The following USP24 variants were observed in gnomAD, a reference collection of about 807,000 sequenced individuals.
USP24 encodes the protein ubiquitin specific peptidase 24, also known as ubiquitin carboxyl-terminal hydrolase 24.
Under a neutral mutation model 361.6 loss-of-function variants are expected in USP24, and 97 were observed. That is an observed-to-expected ratio of 0.27 (90% CI 0.23 to 0.32). The LOEUF (loss-of-function observed/expected upper bound fraction) is 0.32, where lower values mean the gene tolerates loss of function less well. Ranked by LOEUF, USP24 falls within the 10% of genes least tolerant of loss-of-function variation. The pLI is 1.00. For missense variants in USP24, 2,353 were observed against 3,165.6 expected (o/e 0.74, Z 6.16); for synonymous variants, 1,098 against 1,124.6 (o/e 0.98, Z 0.47).
At position 55,101,599 on chromosome 1, in the gene USP24, T is replaced by A; in HGVS notation, c.5130A>T (p.Gln1710His). The A allele has an allele frequency of 6.2e-7, 1 of 1,611,834 alleles. No homozygotes were observed. Among genetic ancestry groups the A allele is most frequent in the Non-Finnish European group, 8.5e-7 (1 of 1,178,956 alleles). The change falls in exon 43 of 68, where the codon CAA becomes CAT. Residue 1710 changes from glutamine to histidine, a missense_variant. Gln to His is a conservative substitution (Grantham distance 24). Coordinates refer to ENST00000294383, the MANE Select transcript of USP24 (RefSeq NM_015306.3). Reference protein sequence around the residue: ...MNAVFQQLYMQPGLPESLLSV... With the variant: ...MNAVFQQLYMHPGLPESLLSV... ...AAGAAATCACCTCAGGGAGCCCAGG[T>A]TGCATATACAGCTGCTGGAAGACTG...
At chr1:55,129,267 G>A (rs897562819) in intron 32 of USP24, among the ~76,000 whole-genome samples, 2 of 152,130 alleles carry the variant, frequency 1.3e-5, no homozygotes, top group Non-Finnish European at 2.9e-5. Context: ...AGGGGAAAGA[G>A]ACATGCTTCC....
intron 1 of USP24, among the ~76,000 whole-genome samples, chr1:55,207,523 G>T (rs2100943763): frequency 6.6e-6 from 1 of 152,002 alleles, no homozygotes; most frequent in Non-Finnish European, 1.5e-5. Context: ...ATTATTTGAA[G>T]AAAAAATTAA....
chr1:55,134,250 A>G (rs1387793726), intron 29 of USP24, 78 bp downstream of exon 29: 5 of 1,561,022 alleles, frequency 3.2e-6, no homozygotes, highest in Non-Finnish European at 4.4e-6. Context: ...AATAAAATGC[A>G]TTTCAAGTGA....
chr1:55,201,663 C>T (rs1644580142), intron 1 of USP24, among the ~76,000 whole-genome samples: 2 of 145,008 alleles, frequency 1.4e-5, no homozygotes, highest in African/African-American at 2.6e-5. Flanking sequence ...AGGAACAATG[C>T]CAATGCAATG....
At chr1:55,108,506 G>A (rs770916091) in intron 39 of USP24, among the ~76,000 whole-genome samples, 3 of 152,162 alleles carry the variant, frequency 2.0e-5, no homozygotes, top group Non-Finnish European at 4.4e-5. Flanking sequence ...TTTATGCAAT[G>A]AGACCAGCAC....
chr1:55,155,837 G>A (rs1364727434), intron 12 of USP24, among the ~76,000 whole-genome samples: 3 of 152,160 alleles, frequency 2.0e-5, no homozygotes, highest in Non-Finnish European at 4.4e-5. Context: ...AACCTTGGTG[G>A]CAGTAGCACC....
intron 28 of USP24, among the ~76,000 whole-genome samples, chr1:55,135,500 C>T (rs1332007989): frequency 6.6e-6 from 1 of 152,148 alleles, no homozygotes; most frequent in African/African-American, 2.4e-5. Context: ...TATAAAATTA[C>T]CTTCAGGCTG....
chr1:55,212,187 A>T (rs1339932190), intron 1 of USP24, among the ~76,000 whole-genome samples: 2 of 152,198 alleles, frequency 1.3e-5, no homozygotes, highest in African/African-American at 4.8e-5. Context: ...TTTCTAAAGT[A>T]TGCTTCTTTT....
chr1:55,092,161 A>C, intron 53 of USP24, 35 bp from the exon 54 acceptor site: 2 of 1,475,572 alleles, frequency 1.4e-6, no homozygotes, highest in Non-Finnish European at 1.8e-6. Flanking sequence ...GATATTTTTC[A>C]CAGAAGTTTT....
At chr1:55,170,589 A>C (rs918164185) in intron 5 of USP24, among the ~76,000 whole-genome samples, 1 of 152,130 alleles carries the variant, frequency 6.6e-6, no homozygotes, top group Non-Finnish European at 1.5e-5. Context: ...CTCACCTATG[A>C]AATGGGGGTA....
chr1:55,154,716 T>C lies in USP24; in HGVS notation c.1509A>G (p.Lys503=), dbSNP rs367576755. ...IHTIIAAAAV[K]FNSDQLNHLF... ...AATGATTAAGCTGATCTGAATTAAA[T>C]TTCACAGCCGCTGCAGCAATAATAG... The change falls in exon 13 of 68, where the codon AAA becomes AAG. Residue 503 remains lysine (K), a synonymous_variant. Coordinates refer to ENST00000294383, the MANE Select transcript of USP24 (RefSeq NM_015306.3). 1.9e-6 allele frequency: 3 copies of C among 1,613,372 alleles called. No individual in the cohort carries two copies. Among genetic ancestry groups the C allele is most frequent in the Non-Finnish European group, 2.5e-6 (3 of 1,179,642 alleles).
chr1:55,091,699 T>C (rs1303580635), intron 54 of USP24, among the ~76,000 whole-genome samples: 1 of 152,184 alleles, frequency 6.6e-6, no homozygotes, highest in South Asian at 2.1e-4. Context: ...GCCCTCTGTG[T>C]TTCTCTGTTT....
At chr1:55,115,194 C>A (rs1228879278) in intron 38 of USP24, among the ~76,000 whole-genome samples, 1 of 152,122 alleles carries the variant, frequency 6.6e-6, no homozygotes, top group East Asian at 1.9e-4. Context: ...TACCATCTTA[C>A]ATGGTATCTT....
Position 55,140,241 on chromosome 1 carries a change from T to C in USP24, c.2751-1231A>G, listed in dbSNP as rs578163758. Among the ~76,000 whole-genome samples, 8 of 152,196 alleles carry C rather than the reference T, an allele frequency of 5.3e-5. No homozygotes were observed. The South Asian group carries it at 1.7e-3, about 32-fold the overall frequency. Reference sequence around the variant, plus strand: ...AAAGAGAAAAAAACAAAAAGCATACTCATTTAAAGAAGTAGGAGTTTGGAC... The same window carrying C: ...AAAGAGAAAAAAACAAAAAGCATACCCATTTAAAGAAGTAGGAGTTTGGAC... On this transcript the variant is annotated intron_variant, in intron 24 of 67. Transcript: ENST00000294383.
chr1:55,121,589 A>G, intron 36 of USP24, 83 bp from the exon 37 acceptor site: 1 of 1,144,594 alleles, frequency 8.7e-7, no homozygotes, highest in South Asian at 1.4e-5. Context: ...TCTTAAGCTC[A>G]ACTTAAGCAT....
intron 7 of USP24, among the ~76,000 whole-genome samples, chr1:55,164,529 T>C (rs1648623098): frequency 6.6e-6 from 1 of 152,060 alleles, no homozygotes; most frequent in Non-Finnish European, 1.5e-5. Context: ...TGAATTCTAA[T>C]TATACCTGTC....
At chr1:55,162,791 A>G (rs529986794) in intron 7 of USP24, among the ~76,000 whole-genome samples, 66 of 152,322 alleles carry the variant, frequency 4.3e-4, no homozygotes, top group African/African-American at 1.4e-3. Flanking sequence ...AGAATTTTCT[A>G]CAGCAGAACC....
chr1:55,124,331 G>T, intron 35 of USP24, 138 bp downstream of exon 35: 1 of 973,924 alleles, frequency 1.0e-6, no homozygotes, highest in Non-Finnish European at 1.5e-6. Context: ...TGTATACAGA[G>T]CTTGATGAAT....
At chr1:55,116,605 T>C (rs919776645) in intron 38 of USP24, among the ~76,000 whole-genome samples, 5 of 150,936 alleles carry the variant, frequency 3.3e-5, no homozygotes, top group Admixed American at 6.6e-5. Context: ...CTACCACGAT[T>C]GAATCAGGAA....
Sources: allele counts gnomAD v4.1 joint callset (sites outside exome capture counted in the v4.1 genomes callset), GRCh38; gene constraint gnomAD v4.1.1; transcripts MANE v1.5; gene names NCBI Gene and HGNC (gene_info 2026-07-23, HGNC 2026-07-21).